Variants in MTG1 observed in about 807,000 individuals in gnomAD.
MTG1 encodes mitochondrial ribosome associated GTPase 1.
Under a neutral mutation model 39.5 loss-of-function variants are expected in MTG1, and 30 were observed. That is an observed-to-expected ratio of 0.76 (90% CI 0.57 to 1.03). The LOEUF (loss-of-function observed/expected upper bound fraction) is 1.03, where lower values mean the gene tolerates loss of function less well. Ranked by LOEUF, MTG1 falls within the 50% of genes least tolerant of loss-of-function variation. The pLI is 0.00. For synonymous variants in MTG1, 217 were observed against 179.0 expected, an observed-to-expected ratio of 1.21 and a Z score of -1.69; for missense variants, 513 against 447.4, an observed-to-expected ratio of 1.15 and a Z score of -1.32.
intron 6 of MTG1, among the ~76,000 whole-genome samples, chr10:133,400,294 C>T (rs1335786568): frequency 2.6e-5 from 4 of 152,276 alleles, no homozygotes; most frequent in African/African-American, 2.4e-5. Context: ...GGCTGCAAGG[C>T]CATTCCTCCA....
intron 9 of MTG1, among the ~76,000 whole-genome samples, chr10:133,413,351 T>C (rs1850072961): frequency 6.6e-6 from 1 of 152,172 alleles, no homozygotes; most frequent in African/African-American, 2.4e-5. Context: ...TAATCTCAGG[T>C]GATCCACCCA....
intron 6 of MTG1, 33 bp downstream of exon 6, chr10:133,399,652 A>G (rs1849843067): frequency 1.2e-6 from 2 of 1,607,930 alleles, no homozygotes; most frequent in Non-Finnish European, 8.5e-7. Context: ...ACCTCAGGAA[A>G]GGTACTGGCG....
At chr10:133,411,745 T>TTA (rs1424144019) in intron 9 of MTG1, among the ~76,000 whole-genome samples, 1 of 152,160 alleles carries the variant, frequency 6.6e-6, no homozygotes, top group East Asian at 1.9e-4. Context: ...GCCTCTAATA[T>TTA]ATTTTTCAGC....
In MTG1 at chr10:133,399,194, AT is replaced by A; in HGVS notation, c.390del (p.Ile130MetfsTer57). On this transcript the variant is annotated frameshift_variant, in exon 5 of 11. Transcript: ENST00000317502. LOFTEE classifies it high-confidence loss of function. ...KQIIPMVTEL[I>X]GRSHRYHRKE... is the part of the protein sequence containing the mutation. ...GATCATCCCGATGGTCACTGAACTGATTGGGAGAAGCCACCGCTACCACCGA... is the reference window on the plus strand; with the variant it reads ...GATCATCCCGATGGTCACTGAACTGATGGGAGAAGCCACCGCTACCACCGA... The A allele has an allele frequency of 6.2e-7, 1 of 1,613,916 alleles. No individual in the cohort carries two copies.
At chr10:133,401,652 G>A (rs751054778) in intron 7 of MTG1, 62 bp downstream of exon 7, 1 of 1,533,664 alleles carries the variant, frequency 6.5e-7, no homozygotes. Context: ...TCTGGCACCT[G>A]CCGACCTCTG....
rs1216931714 is a variant in MTG1, at chr10:133,401,523, C to T, written c.512-6C>T. 4 of 1,561,248 alleles carry T rather than the reference C, an allele frequency of 2.6e-6. No homozygotes were observed. Among genetic ancestry groups the T allele is most frequent in the Non-Finnish European group, 3.5e-6 (4 of 1,154,510 alleles). Reference sequence around the variant, plus strand: ...ATTTGAGCCTCCTTTTCTCCTTTTCCTACAGGGAAAGCCACCAGGGTGGGT... The same window carrying T: ...ATTTGAGCCTCCTTTTCTCCTTTTCTTACAGGGAAAGCCACCAGGGTGGGT... On this transcript the variant is annotated splice_region_variant and splice_polypyrimidine_tract_variant and intron_variant, in intron 6 of 10. Coordinates refer to ENST00000317502, the MANE Select transcript of MTG1 (RefSeq NM_138384.4).
chr10:133,417,893 G>A (rs1378438265), intron 9 of MTG1, among the ~76,000 whole-genome samples: 1 of 152,190 alleles, frequency 6.6e-6, no homozygotes. Flanking sequence ...ACAAATGGAA[G>A]AACATTCCAT....
At chr10:133,399,701 G>T in intron 6 of MTG1, 82 bp downstream of exon 6, 2 of 1,444,628 alleles carry the variant, frequency 1.4e-6, no homozygotes, top group East Asian at 4.6e-5. Flanking sequence ...CTTTCTTGGA[G>T]GGGACGTGCC....
At chr10:133,405,795 A>G (rs1230025255) in intron 9 of MTG1, among the ~76,000 whole-genome samples, 1 of 152,238 alleles carries the variant, frequency 6.6e-6, no homozygotes, top group African/African-American at 2.4e-5. Flanking sequence ...TGCCGTGAGC[A>G]TGGGAGTGCA....
chr10:133,418,114 C>T (rs1229990395), intron 9 of MTG1, among the ~76,000 whole-genome samples: 8 of 152,222 alleles, frequency 5.3e-5, no homozygotes, highest in Non-Finnish European at 8.8e-5. Flanking sequence ...AGCGATTCTC[C>T]CGCCTTAGCC....
In MTG1 at chr10:133,394,252, C is replaced by T. The variant is rs779226464; in HGVS notation, c.32C>T (p.Ala11Val). Residue 11 changes from alanine to valine, a missense_variant, in exon 1 of 11, where the codon GCC (alanine) becomes GTC (valine). Ala to Val is a moderately conservative substitution (Grantham distance 64). Transcript: ENST00000317502. MRLTPRALCS[A>V]AQAAWRENFP... ...TTGACCCCGCGCGCGCTGTGCAGCG[C>T]CGCCCAGGCCGCCTGGCGGGAGAAC... The T allele has an allele frequency of 2.0e-5, 30 of 1,518,082 alleles. No homozygotes were observed. The highest frequency in any genetic ancestry group is 7.3e-5 in the South Asian group (6 of 82,124). The allele number at this position is 1,518,082 out of a possible 1,614,324, so 94.0% of individuals were successfully genotyped here.
At chr10:133,404,166 T>G (rs1386245505) in intron 9 of MTG1, among the ~76,000 whole-genome samples, 2 of 136,974 alleles carry the variant, frequency 1.5e-5, no homozygotes, top group Non-Finnish European at 3.1e-5. Flanking sequence ...GGGTCTCAGT[T>G]ACCCAGGCTG....
chr10:133,401,866 G>A (rs1849883428), intron 7 of MTG1: 1 of 610,864 alleles, frequency 1.6e-6, no homozygotes, highest in Non-Finnish European at 2.9e-6. Context: ...ACAGACCTGA[G>A]TGTGGCGCCC....
chr10:133,414,379 A>G (rs1159573265), intron 9 of MTG1, among the ~76,000 whole-genome samples: 2 of 152,182 alleles, frequency 1.3e-5, no homozygotes, highest in Non-Finnish European at 2.9e-5. Flanking sequence ...CCCCTTCTCT[A>G]TTCCACAAAA....
intron 1 of MTG1, among the ~76,000 whole-genome samples, chr10:133,395,055 C>T (rs936349574): frequency 1.3e-5 from 2 of 152,156 alleles, no homozygotes; most frequent in Non-Finnish European, 2.9e-5. Context: ...CGCGAGGTAG[C>T]AGGGGCCTAA....
intron 2 of MTG1, among the ~76,000 whole-genome samples, 156 bp from the exon 3 acceptor site, chr10:133,396,007 G>T (rs570466058): frequency 3.9e-5 from 6 of 152,272 alleles, no homozygotes; most frequent in African/African-American, 1.2e-4. Context: ...CCTCTAGATG[G>T]GCTATGAAAC....
Position 133,420,264 on chromosome 10 carries a change from T to C in MTG1, c.*99T>C. On this transcript the variant is annotated 3_prime_UTR_variant, in exon 11 of 11. Coordinates refer to ENST00000317502, the MANE Select transcript of MTG1 (RefSeq NM_138384.4). ...CAGCTCACCCGGTCCAGAAGCTCCA[T>C]GCTGGTCACTAGGGTGCTGTGCTCT... The C allele has an allele frequency of 7.1e-7, 1 of 1,412,114 alleles. No individual in the cohort carries two copies. The highest frequency in any genetic ancestry group is 9.4e-7 in the Non-Finnish European group (1 of 1,059,528). 87.5% of individuals were successfully genotyped at this position (1,412,114 alleles called of 1,614,324 possible).
intron 6 of MTG1, 24 bp downstream of exon 6, chr10:133,399,643 C>T (rs1339858564): frequency 6.2e-7 from 1 of 1,610,056 alleles, no homozygotes. Context: ...CGGCTGATCA[C>T]CTCAGGAAAG....
At chr10:133,419,061 GCAAA>G (rs1237567894) in intron 9 of MTG1, among the ~76,000 whole-genome samples, 4 of 152,244 alleles carry the variant, frequency 2.6e-5, no homozygotes, top group African/African-American at 9.6e-5. Flanking sequence ...ATCCTTAGCA[GCAAA>G]CAGAGTATGT....
Sources: gnomAD v4.1 joint callset for allele counts (sites outside exome capture counted in the v4.1 genomes callset) on GRCh38, gnomAD v4.1.1 for gene constraint, MANE v1.5 for transcripts, NCBI Gene and HGNC (gene_info 2026-07-23, HGNC 2026-07-21) for gene names.